Variants in WDFY3 observed in about 807,000 individuals in gnomAD.
WDFY3 encodes the protein WD repeat and FYVE domain containing 3.
WDFY3 carries 66 observed loss-of-function variants against 409.6 expected under a neutral mutation model. The ratio of observed to expected loss-of-function variants is 0.16; its 90% CI spans 0.13 to 0.20. The LOEUF (loss-of-function observed/expected upper bound fraction) is 0.20, where lower values mean the gene tolerates loss of function less well. Among genes scored for constraint, WDFY3 ranks in the 10% least tolerant of loss-of-function variants. WDFY3 has a pLI of 1.00. For missense variants in WDFY3, 3,031 were observed against 4,298.1 expected (o/e 0.71, Z 8.24); for synonymous variants, 1,521 against 1,537.1 (o/e 0.99, Z 0.25).
chr4:84,822,763 G>A (rs771658133), intron 10 of WDFY3, among the ~76,000 whole-genome samples: 2 of 151,956 alleles, frequency 1.3e-5, no homozygotes, highest in African/African-American at 4.8e-5. Flanking sequence ...TCTTGACTTC[G>A]ACATTTCTTA....
At chr4:84,912,047 T>A (rs535332290) in intron 2 of WDFY3, among the ~76,000 whole-genome samples, 2 of 152,194 alleles carry the variant, frequency 1.3e-5, no homozygotes, top group African/African-American at 4.8e-5. Flanking sequence ...CCAGAGCAGT[T>A]TGTCTCTCCA....
chr4:84,705,614 C>T (rs1731798902), intron 53 of WDFY3, 103 bp from the exon 54 acceptor site: 4 of 922,356 alleles, frequency 4.3e-6, no homozygotes, highest in Admixed American at 1.9e-5. Flanking sequence ...TATAAACGCA[C>T]TAGTATCTGT....
At chr4:84,885,328 ATATGTG>A (rs1301127058) in intron 3 of WDFY3, among the ~76,000 whole-genome samples, 5 of 80,876 alleles carry the variant, frequency 6.2e-5, no homozygotes, top group African/African-American at 2.4e-4. Flanking sequence ...ATACATATAC[ATATGTG>A]TGTGTGTGTG....
chr4:84,914,975 C>T (rs571628487), intron 2 of WDFY3, among the ~76,000 whole-genome samples: 22 of 152,248 alleles, frequency 1.4e-4, no homozygotes, highest in Middle Eastern at 3.4e-3. Context: ...TATACACATA[C>T]AATAGATTAT....
In WDFY3 at chr4:84,801,841, G is replaced by T; in HGVS notation, c.2631C>A (p.Ala877=). 2 of 1,614,036 alleles carry T rather than the reference G, an allele frequency of 1.2e-6. No individual in the cohort carries two copies. The highest frequency in any genetic ancestry group is 1.1e-5 in the South Asian group (1 of 91,064). The change falls in exon 17 of 68, where the codon GCC becomes GCA. Residue 877 remains alanine (A), a synonymous_variant. Transcript: ENST00000295888. ...QPEHALDLQL[A]VANILQSLVH... Reference sequence around the variant, plus strand: ...CCAGGGATTGTAAAATATTTGCCACGGCAAGTTGAAGATCCAAAGCATGCT... The same window carrying T: ...CCAGGGATTGTAAAATATTTGCCACTGCAAGTTGAAGATCCAAAGCATGCT...
intron 44 of WDFY3, among the ~76,000 whole-genome samples, chr4:84,732,288 G>T (rs1189048829): frequency 2.0e-5 from 3 of 152,082 alleles, no homozygotes; most frequent in Non-Finnish European, 4.4e-5. Flanking sequence ...AATTGTAATT[G>T]TTTATGGTGT....
chr4:84,768,290 A>G (rs542350449), intron 30 of WDFY3, among the ~76,000 whole-genome samples: 1 of 152,204 alleles, frequency 6.6e-6, no homozygotes. Flanking sequence ...TCTCCAACAG[A>G]CTTCTCAACA....
In WDFY3 at chr4:84,939,738, T is replaced by C. The variant is rs531957212; in HGVS notation, c.-225-7375A>G. Among the ~76,000 whole-genome samples, 5 of 152,220 alleles carry C rather than the reference T, an allele frequency of 3.3e-5. No individual in the cohort carries two copies. In the South Asian group the frequency reaches 1.0e-3, roughly 32 times the overall value. ...TGTTCTTATTTAAAAAAAAAAAGTT[T>C]CTATTTTCTCGCATTGAAAAATAAT... On this transcript the variant is annotated intron_variant, in intron 1 of 67. Transcript: ENST00000295888.
At chr4:84,765,034 A>G (rs1220531353) in intron 32 of WDFY3, among the ~76,000 whole-genome samples, 1 of 152,194 alleles carries the variant, frequency 6.6e-6, no homozygotes, top group Non-Finnish European at 1.5e-5. Context: ...GATATTCTCA[A>G]TATCAGCTTC....
chr4:84,782,855 C>T (rs1746807127), intron 25 of WDFY3, 108 bp downstream of exon 25: 1 of 865,082 alleles, frequency 1.2e-6, no homozygotes, highest in Non-Finnish European at 1.9e-6. Context: ...CACTATAGGT[C>T]AGTGCTATTA....
At chr4:84,847,025 G>C (rs1758159230) in intron 5 of WDFY3, among the ~76,000 whole-genome samples, 1 of 152,098 alleles carries the variant, frequency 6.6e-6, no homozygotes, top group Admixed American at 6.5e-5. Context: ...CCAGAGGTTT[G>C]TTTGTTCACT....
intron 45 of WDFY3, among the ~76,000 whole-genome samples, chr4:84,726,387 T>G (rs1326833813): frequency 6.6e-6 from 1 of 152,108 alleles, no homozygotes; most frequent in Non-Finnish European, 1.5e-5. Flanking sequence ...AATTTGTATT[T>G]TAAAAAGTGA....
At chr4:84,683,843 T>C in intron 63 of WDFY3, 100 bp downstream of exon 63, 1 of 1,296,366 alleles carries the variant, frequency 7.7e-7, no homozygotes, top group Admixed American at 2.1e-5. Context: ...TCACTAAACA[T>C]TACAACTTGT....
At chr4:84,734,293 A>G (rs372037918) in intron 43 of WDFY3, among the ~76,000 whole-genome samples, 5 of 152,230 alleles carry the variant, frequency 3.3e-5, no homozygotes, top group Admixed American at 6.5e-5. Flanking sequence ...AACTTGCCCA[A>G]TGATTCATGG....
chr4:84,950,492 C>G (rs934697382), intron 1 of WDFY3, among the ~76,000 whole-genome samples: 1 of 151,958 alleles, frequency 6.6e-6, no homozygotes, highest in East Asian at 1.9e-4. Flanking sequence ...AATAGCATCT[C>G]ATCATCTTAA....
intron 18 of WDFY3, among the ~76,000 whole-genome samples, chr4:84,797,596 T>A (rs574787379): frequency 9.3e-5 from 8 of 85,810 alleles, no homozygotes; most frequent in African/African-American, 3.3e-4. Flanking sequence ...TTATTTATTT[T>A]TTGAGACGGA....
chr4:84,757,385 A>G (rs1741648551), intron 32 of WDFY3, among the ~76,000 whole-genome samples: 1 of 152,192 alleles, frequency 6.6e-6, no homozygotes, highest in African/African-American at 2.4e-5. Context: ...ATAGGTTTTG[A>G]AACACAGTTG....
chr4:84,676,428 A>T (rs1726307156), intron 67 of WDFY3, among the ~76,000 whole-genome samples: 1 of 152,200 alleles, frequency 6.6e-6, no homozygotes. Context: ...GGTAGTATTA[A>T]CTAGCACTAC....
At chr4:84,723,982 A>G (rs971410474) in intron 46 of WDFY3, among the ~76,000 whole-genome samples, 32 of 152,252 alleles carry the variant, frequency 2.1e-4, no homozygotes, top group African/African-American at 7.5e-4. Flanking sequence ...TCATAGGAAG[A>G]AAGACCATTA....
Sources: gnomAD v4.1 joint callset for allele counts (sites outside exome capture counted in the v4.1 genomes callset) on GRCh38, gnomAD v4.1.1 for gene constraint, MANE v1.5 for transcripts, NCBI Gene and HGNC (gene_info 2026-07-23, HGNC 2026-07-21) for gene names.